The following P3H2 variants were observed in gnomAD, a reference collection of about 807,000 sequenced individuals.
P3H2 encodes prolyl 3-hydroxylase 2.
Under a neutral mutation model 87.0 loss-of-function variants are expected in P3H2, and 80 were observed. The ratio of observed to expected loss-of-function variants is 0.92; its 90% CI spans 0.77 to 1.11. The LOEUF (loss-of-function observed/expected upper bound fraction) is 1.11, where lower values mean the gene tolerates loss of function less well. P3H2 is among the 50% of genes least tolerant of loss of function. P3H2 has a pLI of 0.00. For synonymous variants in P3H2, 367 were observed against 359.3 expected (o/e 1.02, Z -0.24); for missense variants, 1,001 against 923.9 (o/e 1.08, Z -1.08).
At chr3:190,046,942 C>T (rs761978388) in intron 1 of P3H2, among the ~76,000 whole-genome samples, 3 of 151,786 alleles carry the variant, frequency 2.0e-5, no homozygotes, top group Non-Finnish European at 2.9e-5. Context: ...ATCAACAAAG[C>T]AAAGAGATAA....
intron 1 of P3H2, among the ~76,000 whole-genome samples, chr3:190,053,472 T>C (rs7355977): frequency 0.024 from 3,622 of 149,066 alleles, 182 homozygotes; most frequent in African/African-American, 0.087. Flanking sequence ...TTTTTTGAGA[T>C]GGAGTTCCAC....
chr3:190,029,192 A>C (rs1057275506), intron 1 of P3H2, among the ~76,000 whole-genome samples: 2 of 152,230 alleles, frequency 1.3e-5, no homozygotes, highest in Non-Finnish European at 2.9e-5. Context: ...ATATCTGAAT[A>C]GAAGTTGATT....
At chr3:190,022,181 G>T (rs710577) in intron 1 of P3H2, among the ~76,000 whole-genome samples, 92,858 of 133,802 alleles carry the variant, frequency 0.69, 38,195 homozygotes, top group East Asian at 0.88. Context: ...AAACATTAAA[G>T]AGCATCTCAC....
At chr3:189,979,652 A>G (rs1723465540) in intron 8 of P3H2, among the ~76,000 whole-genome samples, 1 of 152,052 alleles carries the variant, frequency 6.6e-6, no homozygotes, top group Non-Finnish European at 1.5e-5. Flanking sequence ...AATCATATCC[A>G]GCACAACCTT....
At chr3:189,975,654 A>T (rs368503138) in intron 8 of P3H2, among the ~76,000 whole-genome samples, 144 of 152,356 alleles carry the variant, frequency 9.5e-4, no homozygotes, top group African/African-American at 3.2e-3. Flanking sequence ...AGCAAAGGTC[A>T]CCAACACGTT....
intron 1 of P3H2, among the ~76,000 whole-genome samples, chr3:190,086,722 G>A (rs972511184): frequency 4.6e-5 from 7 of 152,136 alleles, no homozygotes; most frequent in Non-Finnish European, 8.8e-5. Flanking sequence ...GCATCCAGGG[G>A]ACTCCATGAA....
At chr3:190,029,488 T>A (rs1220339553) in intron 1 of P3H2, among the ~76,000 whole-genome samples, 1 of 152,128 alleles carries the variant, frequency 6.6e-6, no homozygotes, top group African/African-American at 2.4e-5. Flanking sequence ...AAAAGGAAAT[T>A]GGTGACTTTC....
Position 189,963,982 on chromosome 3 carries a change from G to A in P3H2, c.2010C>T (p.Thr670=). The A allele has an allele frequency of 6.2e-7, 1 of 1,614,146 alleles. No individual in the cohort carries two copies. Among genetic ancestry groups the A allele is most frequent in the Non-Finnish European group, 8.5e-7 (1 of 1,180,016 alleles). ...CCAATTCTCTATAAAGTGGGTCCAA[G>A]GTGAACCACAGAGCCACAGCACACC... ...GKRCAVALWF[T]LDPLYRELER... is the part of the protein sequence containing the mutation. Residue 670 remains threonine (T), a synonymous_variant, in exon 14 of 15, where the codon ACC becomes ACT. Transcript: ENST00000319332.
Position 189,957,838 on chromosome 3 carries a change from C to G in P3H2, c.*74G>C, listed in dbSNP as rs548660169. On this transcript the variant is annotated 3_prime_UTR_variant, in exon 15 of 15. Coordinates refer to ENST00000319332, the MANE Select transcript of P3H2 (RefSeq NM_018192.4). ...TAACCTGTTAATTTATACCATGGCT[C>G]TGTACAAAAATAAAAAGGTTCTCAT... is the stretch of plus-strand genomic sequence containing the variant. The G allele has an allele frequency of 2.0e-6, 2 of 1,001,808 alleles. No individual in the cohort carries two copies. The highest frequency in any genetic ancestry group is 3.2e-5 in the African/African-American group (2 of 62,420). 62.1% of individuals were successfully genotyped at this position (1,001,808 alleles called of 1,614,324 possible). A position where few individuals can be genotyped will look rare whatever the true frequency, so the allele number is the denominator to read the frequency against.
At chr3:190,082,678 AT>A (rs1385264970) in intron 1 of P3H2, among the ~76,000 whole-genome samples, 1 of 152,140 alleles carries the variant, frequency 6.6e-6, no homozygotes, top group African/African-American at 2.4e-5. Context: ...ATTGAACTGT[AT>A]TTTCAACCTT....
chr3:189,995,200 G>C, intron 2 of P3H2, 90 bp downstream of exon 2: 1 of 1,200,354 alleles, frequency 8.3e-7, no homozygotes. Context: ...AACTTTATGA[G>C]ATATTCATTC....
intron 1 of P3H2, among the ~76,000 whole-genome samples, chr3:190,022,967 C>T (rs549765707): frequency 2.0e-5 from 3 of 152,192 alleles, no homozygotes; most frequent in East Asian, 1.9e-4. Context: ...GCTGGGACTA[C>T]AGGCACCCAC....
At position 189,994,308 on chromosome 3, in the gene P3H2, ACAAAC is replaced by A. The variant is rs751498618; in HGVS notation, c.634-30_634-26del. 165 of 1,423,116 alleles carry A rather than the reference ACAAAC, an allele frequency of 1.2e-4. 2 individuals are homozygous for A. The highest frequency in any genetic ancestry group is 4.0e-4 in the Admixed American group (23 of 56,892). 88.2% of individuals were successfully genotyped at this position (1,423,116 alleles called of 1,614,324 possible). A position where few individuals can be genotyped will look rare whatever the true frequency, so the allele number is the denominator to read the frequency against. ...CCTGTAATGAAACAGACGGGAAAAAACAAACAAACAAACAAACAAACAAACAAAAA... is the reference window on the plus strand; with the variant it reads ...CCTGTAATGAAACAGACGGGAAAAAAAAACAAACAAACAAACAAACAAAAA... On this transcript the variant is annotated intron_variant, in intron 2 of 14. Coordinates refer to ENST00000319332, the MANE Select transcript of P3H2 (RefSeq NM_018192.4).
intron 1 of P3H2, among the ~76,000 whole-genome samples, chr3:190,072,263 G>C (rs942855073): frequency 2.0e-5 from 3 of 152,100 alleles, no homozygotes; most frequent in Non-Finnish European, 4.4e-5. Context: ...CTGACCTTAG[G>C]TGATCTGCCC....
rs1270664458 is a variant in P3H2, at chr3:190,120,563, T to G, written c.169A>C (p.Ser57Arg). The G allele has an allele frequency of 4.6e-6, 7 of 1,537,442 alleles. No homozygotes were observed. The highest frequency in any genetic ancestry group is 6.1e-6 in the Non-Finnish European group (7 of 1,151,956). Residue 57 changes from serine to arginine, a missense_variant, in exon 1 of 15, where the codon AGC becomes CGC. Coordinates refer to ENST00000319332, the MANE Select transcript of P3H2 (RefSeq NM_018192.4). ...LYASGAAAYY[S>R]GDYERAVRDL... The stretch of plus-strand genomic sequence containing the variant: ...CGCACCGCTCGCTCGTAGTCTCCGC[T>G]GTAGTAGGCGGCCGCGCCGCTGGCG...
rs114921185 is a variant in P3H2 at position 190,000,828 on chromosome 3, C to T, written c.481-5386G>A. ...GAGTTTAAATGTCATTCTAAGTGCA[C>T]AAGGAAACAGTAAAAAATGTTAAGG... is the stretch of plus-strand genomic sequence containing the variant. On this transcript the variant is annotated intron_variant, in intron 1 of 14. Transcript: ENST00000319332. Among the ~76,000 whole-genome samples, 676 of 152,160 alleles carry T rather than the reference C, an allele frequency of 4.4e-3. 5 individuals carry two copies. The highest frequency in any genetic ancestry group is 0.016 in the African/African-American group (660 of 41,488).
chr3:189,999,803 C>T (rs1302827603), intron 1 of P3H2, among the ~76,000 whole-genome samples: 1 of 152,150 alleles, frequency 6.6e-6, no homozygotes, highest in African/African-American at 2.4e-5. Context: ...ACTGAGATGT[C>T]AGAAATACTG....
At chr3:190,021,869 A>G (rs1238324755) in intron 1 of P3H2, among the ~76,000 whole-genome samples, 1 of 135,296 alleles carries the variant, frequency 7.4e-6, no homozygotes, top group African/African-American at 2.6e-5. Flanking sequence ...GGATTTCGTT[A>G]GACAACTATG....
At chr3:190,053,904 C>A (rs913213916) in intron 1 of P3H2, among the ~76,000 whole-genome samples, 1 of 152,096 alleles carries the variant, frequency 6.6e-6, no homozygotes. Flanking sequence ...TTTTCTTAAA[C>A]AAATTTCAAA....
Sources: gnomAD v4.1 joint callset for allele counts (sites outside exome capture counted in the v4.1 genomes callset) on GRCh38, gnomAD v4.1.1 for gene constraint, MANE v1.5 for transcripts, NCBI Gene and HGNC (gene_info 2026-07-23, HGNC 2026-07-21) for gene names.